Variants in HOXB4 observed in about 807,000 individuals in gnomAD.
The protein encoded by HOXB4 is homeobox protein Hox-B4.
Under a neutral mutation model 20.0 loss-of-function variants are expected in HOXB4, and 13 were observed. The observed-to-expected ratio is 0.65, with a 90% CI of 0.42 to 1.03. The LOEUF is 1.03. HOXB4 is among the 50% of genes least tolerant of loss of function. HOXB4 has a pLI of 0.00. For missense variants in HOXB4, 343 were observed against 357.1 expected, an observed-to-expected ratio of 0.96 and a Z score of 0.32; for synonymous variants, 173 against 148.9, an observed-to-expected ratio of 1.16 and a Z score of -1.18.
Position 48,576,751 on chromosome 17 carries a change from G to C in HOXB4, c.727C>G (p.Arg243Gly), listed in dbSNP as rs767904414. The C allele has an allele frequency of 6.3e-7, 1 of 1,590,320 alleles. No homozygotes were observed. Among genetic ancestry groups the C allele is most frequent in the African/African-American group, 1.3e-5 (1 of 74,082 alleles). Reference sequence around the variant, plus strand: ...AGCGCGCGGGGGCCTCCATTGGGCCGGCCAGGGGGCCCTCCGGCTGAGCCT... The same window carrying C: ...AGCGCGCGGGGGCCTCCATTGGGCCCGCCAGGGGGCCCTCCGGCTGAGCCT... ...AAGSAGGPPG[R>G]PNGGPRAL The change falls in exon 2 of 2, where the codon CGG (arginine) becomes GGG (glycine). Residue 243 changes from arginine (R) to glycine (G), a missense_variant. By Grantham distance (125) the Arg-to-Gly change is moderately radical (BLOSUM62 -2). Coordinates refer to ENST00000332503, the MANE Select transcript of HOXB4 (RefSeq NM_024015.5).
chr17:48,576,764 T>G lies in HOXB4; in HGVS notation c.714A>C (p.Gly238=). Residue 238 remains glycine, a synonymous_variant, in exon 2 of 2, where the codon GGA becomes GGC. Coordinates refer to ENST00000332503, the MANE Select transcript of HOXB4 (RefSeq NM_024015.5). The part of the protein sequence containing the change: ...IRSGGAAGSA[G]GPPGRPNGGP... ...CTCCATTGGGCCGGCCAGGGGGCCC[T>G]CCGGCTGAGCCTGCCGCACCACCCG... is the stretch of plus-strand genomic sequence containing the variant. 1 of 1,601,748 alleles carries G rather than the reference T, an allele frequency of 6.2e-7. No homozygotes were observed. Among genetic ancestry groups the G allele is most frequent in the Non-Finnish European group, 8.5e-7 (1 of 1,172,456 alleles).
At position 48,576,177 on chromosome 17, in the gene HOXB4, C is replaced by G. The variant is rs949478076; in HGVS notation, c.*545G>C. On this transcript the variant is annotated 3_prime_UTR_variant, in exon 2 of 2. Transcript: ENST00000332503. ...GTCAGAGGGTGCTTTCGCTGGGTAT[C>G]GGGAGTGGGGGACAAAGAAAGGAAA... The G allele has an allele frequency of 6.5e-6, 1 of 153,050 alleles. No individual in the cohort carries two copies. Among genetic ancestry groups the G allele is most frequent in the Non-Finnish European group, 1.5e-5 (1 of 68,412 alleles). The allele number at this position is 153,050 out of a possible 1,614,324, so 9.5% of individuals were successfully genotyped here.
chr17:48,575,789 G>A lies in HOXB4; in HGVS notation c.*933C>T, dbSNP rs1055181570. ...TGGGAGGGGCACATTTTATTTCCTA[G>A]TTTCACATTCATTTTCAGTCTAGGA... On this transcript the variant is annotated 3_prime_UTR_variant, in exon 2 of 2. Transcript: ENST00000332503. 10 of 152,546 alleles carry A rather than the reference G, an allele frequency of 6.6e-5. No homozygotes were observed. The highest frequency in any genetic ancestry group is 2.4e-4 in the African/African-American group (10 of 41,390). The allele number at this position is 152,546 out of a possible 1,614,324, so 9.4% of individuals were successfully genotyped here.
In HOXB4 at chr17:48,576,237, G is replaced by A; in HGVS notation, c.*485C>T. 1 of 153,636 alleles carries A rather than the reference G, an allele frequency of 6.5e-6. No individual in the cohort carries two copies. The highest frequency in any genetic ancestry group is 1.9e-4 in the East Asian group (1 of 5,202). The allele number at this position is 153,636 out of a possible 1,614,324, so 9.5% of individuals were successfully genotyped here. On this transcript the variant is annotated 3_prime_UTR_variant, in exon 2 of 2. Coordinates refer to ENST00000332503, the MANE Select transcript of HOXB4 (RefSeq NM_024015.5). ...TCTTCCAGCAGCGGCAGTAGCAGAG[G>A]CGGAGGCGGCCGAGCCGGGCCTCAT...
In HOXB4 at chr17:48,578,228, C is replaced by T. The variant is rs763519352; in HGVS notation, c.92G>A (p.Ser31Asn). ...GGCGTAGTACCCGGGCGAGTGGTCG[C>T]TGGGTAGGTAATCGCTCTGTGAATA... The part of the protein sequence containing the change: ...EEYSQSDYLP[S>N]DHSPGYYAGG... The change falls in exon 1 of 2, where the codon AGC becomes AAC. Residue 31 changes from serine to asparagine, a missense_variant. Physicochemically the swap from Ser to Asn is conservative, Grantham distance 46. Around this residue, in one of 3 missense-constraint regions of HOXB4, gnomAD observed 241 missense variants for 222.0 expected, o/e 1.09. Transcript: ENST00000332503. 1.2e-6 allele frequency: 2 copies of T among 1,614,034 alleles called. No homozygotes were observed. The highest frequency in any genetic ancestry group is 1.7e-6 in the Non-Finnish European group (2 of 1,179,968).
At chr17:48,577,783 C>CT (rs1597852823) in intron 1 of HOXB4, 80 bp downstream of exon 1, 1 of 1,238,692 alleles carries the variant, frequency 8.1e-7, no homozygotes. Flanking sequence ...CAGCTCAACC[C>CT]CCCCCCAACC....
In HOXB4 at chr17:48,578,151, G is replaced by A. The variant is rs897116852; in HGVS notation, c.169C>T (p.Arg57Cys). 1.3e-6 allele frequency: 2 copies of A among 1,586,656 alleles called. No individual in the cohort carries two copies. Among genetic ancestry groups the A allele is most frequent in the African/African-American group, 1.3e-5 (1 of 74,434 alleles). ...TAGCGCTGCACGGTGCACGCCGCGC[G>A]CCGCCCGAAGCCCGCCTCCGGCTGG... ...SFQPEAGFGR[R>C]AACTVQRYAA... The change falls in exon 1 of 2, where the codon CGC becomes TGC. Residue 57 changes from arginine (R) to cysteine (C), a missense_variant. Arg to Cys is a radical substitution (Grantham distance 180). Transcript: ENST00000332503.
In HOXB4 at chr17:48,577,007, G is replaced by A; in HGVS notation, c.471C>T (p.Tyr157=). The A allele has an allele frequency of 6.2e-7, 1 of 1,603,390 alleles. No individual in the cohort carries two copies. Among genetic ancestry groups the A allele is most frequent in the Admixed American group, 1.7e-5 (1 of 59,146 alleles). The part of the protein sequence containing the change: ...KVHVSTVNPN[Y]AGGEPKRSRT... ...GAGAGCGCTTGGGCTCCCCGCCGGC[G>A]TAATTGGGGTTTACTGGACACACAC... Residue 157 remains tyrosine (Y), a synonymous_variant, in exon 2 of 2, where the codon TAC becomes TAT. Coordinates refer to ENST00000332503, the MANE Select transcript of HOXB4 (RefSeq NM_024015.5).
chr17:48,577,933 G>A lies in HOXB4; in HGVS notation c.387C>T (p.Pro129=), dbSNP rs768756760. ...PPPCAQNPLH[P]SPSHSACKEP... Reference sequence around the variant, plus strand: ...CTTTGCACGCGGAGTGGGACGGGCTGGGGTGCAGGGGGTTCTGGGCGCAGG... The same window carrying A: ...CTTTGCACGCGGAGTGGGACGGGCTAGGGTGCAGGGGGTTCTGGGCGCAGG... The change falls in exon 1 of 2, where the codon CCC becomes CCT. Residue 129 remains proline, a synonymous_variant. Transcript: ENST00000332503. 4 of 1,344,398 alleles carry A rather than the reference G, an allele frequency of 3.0e-6. No individual in the cohort carries two copies. The highest frequency in any genetic ancestry group is 2.9e-6 in the Non-Finnish European group (3 of 1,041,078). 83.3% of individuals were successfully genotyped at this position (1,344,398 alleles called of 1,614,324 possible). A position where few individuals can be genotyped will look rare whatever the true frequency, so the allele number is the denominator to read the frequency against.
At position 48,577,955 on chromosome 17, in the gene HOXB4, C is replaced by T. The variant is rs761827396; in HGVS notation, c.365G>A (p.Cys122Tyr). 2 of 1,320,710 alleles carry T rather than the reference C, an allele frequency of 1.5e-6. No individual in the cohort carries two copies. Among genetic ancestry groups the T allele is most frequent in the Non-Finnish European group, 1.9e-6 (2 of 1,029,482 alleles). 81.8% of individuals were successfully genotyped at this position (1,320,710 alleles called of 1,614,324 possible). ...GCTGGGGTGCAGGGGGTTCTGGGCG[C>T]AGGGAGGCGGCGGGGGGCTGCTGCT... Reference protein sequence around the residue: ...AVSSSPPPPPCAQNPLHPSPS... With the variant: ...AVSSSPPPPPYAQNPLHPSPS... The change falls in exon 1 of 2, where the codon TGC becomes TAC. Residue 122 changes from cysteine (C) to tyrosine (Y), a missense_variant. By Grantham distance (194) the Cys-to-Tyr change is radical (BLOSUM62 -2). Coordinates refer to ENST00000332503, the MANE Select transcript of HOXB4 (RefSeq NM_024015.5).
At position 48,578,208 on chromosome 17, in the gene HOXB4, AG is replaced by A. The variant is rs1319871129; in HGVS notation, c.111del (p.Tyr38ThrfsTer113). ...DYLPSDHSPG[Y>X]YAGGQRRESS... ...CTCTCTCGCCTCTGGCCGCCGGCGTAGTACCCGGGCGAGTGGTCGCTGGGTA... is the reference window on the plus strand; with the variant it reads ...CTCTCTCGCCTCTGGCCGCCGGCGTATACCCGGGCGAGTGGTCGCTGGGTA... On this transcript the variant is annotated frameshift_variant, in exon 1 of 2. Transcript: ENST00000332503. LOFTEE classifies it high-confidence loss of function. 11 of 1,613,584 alleles carry A rather than the reference AG, an allele frequency of 6.8e-6. No individual in the cohort carries two copies. The highest frequency in any genetic ancestry group is 9.3e-6 in the Non-Finnish European group (11 of 1,179,826).
chr17:48,576,650 T>TCCCC lies in HOXB4; in HGVS notation c.*68_*71dup. On this transcript the variant is annotated 3_prime_UTR_variant, in exon 2 of 2. Transcript: ENST00000332503. Reference sequence around the variant, plus strand: ...GCCCAGGCCCCAGGGCCCCCTCCTGTCCCCCCACCCCATCCCCTGCACTCA... The same window carrying TCCCC: ...GCCCAGGCCCCAGGGCCCCCTCCTGTCCCCCCCCCCACCCCATCCCCTGCACTCA... The TCCCC allele has an allele frequency of 1.8e-6, 1 of 567,770 alleles. No homozygotes were observed. Among genetic ancestry groups the TCCCC allele is most frequent in the Non-Finnish European group, 2.6e-6 (1 of 383,214 alleles). 35.2% of individuals were successfully genotyped at this position (567,770 alleles called of 1,614,324 possible).
chr17:48,576,498 A>C lies in HOXB4; in HGVS notation c.*224T>G. ...TTTAAGAAAGAAAGCAAGAGATTTG[A>C]ATCTTGCTTCTGGGGGGGCCTCCCC... On this transcript the variant is annotated 3_prime_UTR_variant, in exon 2 of 2. Transcript: ENST00000332503. 2.6e-6 allele frequency: 1 copy of C among 381,162 alleles called. No individual in the cohort carries two copies. The highest frequency in any genetic ancestry group is 3.7e-5 in the East Asian group (1 of 27,170). The allele number at this position is 381,162 out of a possible 1,614,324, so 23.6% of individuals were successfully genotyped here. A position where few individuals can be genotyped will look rare whatever the true frequency, so the allele number is the denominator to read the frequency against.
In HOXB4 at chr17:48,577,952, G is replaced by T; in HGVS notation, c.368C>A (p.Ala123Asp). The T allele has an allele frequency of 7.6e-7, 1 of 1,322,138 alleles. No individual in the cohort carries two copies. 81.9% of individuals were successfully genotyped at this position (1,322,138 alleles called of 1,614,324 possible). The change falls in exon 1 of 2, where the codon GCC becomes GAC. Residue 123 changes from alanine (A) to aspartate (D), a missense_variant. Ala to Asp is a moderately radical substitution (Grantham distance 126). Around this residue, in one of 3 missense-constraint regions of HOXB4, gnomAD observed 241 missense variants for 222.0 expected, o/e 1.09. Coordinates refer to ENST00000332503, the MANE Select transcript of HOXB4 (RefSeq NM_024015.5). ...CGGGCTGGGGTGCAGGGGGTTCTGG[G>T]CGCAGGGAGGCGGCGGGGGGCTGCT... ...VSSSPPPPPCAQNPLHPSPSH... is the reference protein window; with the variant it reads ...VSSSPPPPPCDQNPLHPSPSH...
In HOXB4 at chr17:48,576,780, G is replaced by A. The variant is rs1292167015; in HGVS notation, c.698C>T (p.Ala233Val). The A allele has an allele frequency of 1.9e-6, 3 of 1,613,882 alleles. No individual in the cohort carries two copies. Among genetic ancestry groups the A allele is most frequent in the African/African-American group, 1.3e-5 (1 of 74,920 alleles). ...AGGGGGCCCTCCGGCTGAGCCTGCC[G>A]CACCACCCGAGCGGATCTTGGTGTT... ...LPNTKIRSGG[A>V]AGSAGGPPGR... The change falls in exon 2 of 2, where the codon GCG (alanine) becomes GTG (valine). Residue 233 changes from alanine to valine, a missense_variant. Physicochemically the swap from Ala to Val is moderately conservative, Grantham distance 64. This residue lies in a region of HOXB4 where 48 missense variants were observed against 44.8 expected (regional missense o/e 1.07). Transcript: ENST00000332503.
At chr17:48,577,350 G>A (rs1214082620) in intron 1 of HOXB4, among the ~76,000 whole-genome samples, 1 of 152,176 alleles carries the variant, frequency 6.6e-6, no homozygotes, top group African/African-American at 2.4e-5. Context: ...GTGGAAGAGG[G>A]AGGGGAGGTT....
rs1462343916 is a variant in HOXB4, at chr17:48,578,063, G to A, written c.257C>T (p.Pro86Leu). 8.7e-7 allele frequency: 1 copy of A among 1,155,748 alleles called. No homozygotes were observed. Among genetic ancestry groups the A allele is most frequent in the Non-Finnish European group, 1.1e-6 (1 of 911,380 alleles). The allele number at this position is 1,155,748 out of a possible 1,614,324, so 71.6% of individuals were successfully genotyped here. The change falls in exon 1 of 2, where the codon CCG becomes CTG. Residue 86 changes from proline to leucine, a missense_variant. This residue lies in a region of HOXB4 where 241 missense variants were observed against 222.0 expected (regional missense o/e 1.09). Transcript: ENST00000332503. ...PPPPPPPPPP[P>L]PGLSPRAPAP... is the part of the protein sequence containing the mutation. ...AGGAGCCCGAGGGGACAGACCGGGC[G>A]GTGGCGGGGGCGGCGGGGGTGGTGG... is the stretch of plus-strand genomic sequence containing the variant.
rs773095841 is a variant in HOXB4 at position 48,577,968 on chromosome 17, G to C, written c.352C>G (p.Pro118Ala). 11 of 1,313,302 alleles carry C rather than the reference G, an allele frequency of 8.4e-6. No homozygotes were observed. Among genetic ancestry groups the C allele is most frequent in the Non-Finnish European group, 8.8e-6 (9 of 1,026,648 alleles). The allele number at this position is 1,313,302 out of a possible 1,614,324, so 81.4% of individuals were successfully genotyped here. ...QRCEAVSSSP[P>A]PPPCAQNPLH... ...GGGTTCTGGGCGCAGGGAGGCGGCG[G>C]GGGGCTGCTGCTGACCGCCTCGCAG... The change falls in exon 1 of 2, where the codon CCG (proline) becomes GCG (alanine). Residue 118 changes from proline (P) to alanine (A), a missense_variant. Coordinates refer to ENST00000332503, the MANE Select transcript of HOXB4 (RefSeq NM_024015.5).
At position 48,578,340 on chromosome 17, in the gene HOXB4, C is replaced by A. The variant is rs2069839630; in HGVS notation, c.-21G>T. 54 of 1,599,804 alleles carry A rather than the reference C, an allele frequency of 3.4e-5. No individual in the cohort carries two copies. The highest frequency in any genetic ancestry group is 4.5e-5 in the Non-Finnish European group (53 of 1,174,208). The stretch of plus-strand genomic sequence containing the variant: ...GCCATTAATTTCTGGGAATTGCCCA[C>A]AAAATATACTAAAATTTATTCCGAC... On this transcript the variant is annotated 5_prime_UTR_variant, in exon 1 of 2. Coordinates refer to ENST00000332503, the MANE Select transcript of HOXB4 (RefSeq NM_024015.5).
Sources: allele counts gnomAD v4.1 joint callset (sites outside exome capture counted in the v4.1 genomes callset), GRCh38; gene constraint gnomAD v4.1.1; regional missense constraint gnomAD v4.1.1; transcripts MANE v1.5; gene names NCBI Gene and HGNC (gene_info 2026-07-23, HGNC 2026-07-21).